The following GTF2E2 variants were observed in gnomAD, a reference collection of about 807,000 sequenced individuals.
GTF2E2 encodes the protein transcription initiation factor IIE subunit beta.
A neutral mutation model predicts 40.5 loss-of-function variants in GTF2E2; 21 were observed. That is an observed-to-expected ratio of 0.52 (90% CI 0.37 to 0.75). The LOEUF (loss-of-function observed/expected upper bound fraction) is 0.75. Ranked by LOEUF, GTF2E2 falls within the 30% of genes least tolerant of loss-of-function variation. The pLI is 0.00. For missense variants in GTF2E2, 298 were observed against 338.4 expected (o/e 0.88, Z 0.94); for synonymous variants, 117 against 121.6 (o/e 0.96, Z 0.25).
chr8:30,608,906 G>A (rs989627967), intron 5 of GTF2E2, among the ~76,000 whole-genome samples: 2 of 152,110 alleles, frequency 1.3e-5, no homozygotes, highest in Non-Finnish European at 1.5e-5. Context: ...CCGCCACCAC[G>A]CCCGGCTAAT....
chr8:30,589,276 G>T (rs1290280998), intron 6 of GTF2E2, among the ~76,000 whole-genome samples: 2 of 152,144 alleles, frequency 1.3e-5, no homozygotes, highest in South Asian at 4.1e-4. Context: ...AAAAGTATTG[G>T]CATGGTGCAA....
chr8:30,580,431 A>G (rs1828485724), intron 6 of GTF2E2, 35 bp from the exon 7 acceptor site: 2 of 1,156,330 alleles, frequency 1.7e-6, no homozygotes, highest in East Asian at 4.7e-5. Flanking sequence ...TTTACAATCC[A>G]TTTTTACAAA....
At chr8:30,651,441 T>A (rs1474576526) in intron 2 of GTF2E2, among the ~76,000 whole-genome samples, 1 of 152,120 alleles carries the variant, frequency 6.6e-6, no homozygotes, top group Admixed American at 6.5e-5. Context: ...ACAATTTCAT[T>A]CATAAGTGAG....
intron 5 of GTF2E2, among the ~76,000 whole-genome samples, chr8:30,609,094 C>T (rs1396316090): frequency 1.3e-5 from 2 of 151,958 alleles, no homozygotes; most frequent in African/African-American, 2.4e-5. Flanking sequence ...GGTGAAACCC[C>T]ATCTCTACTA....
intron 3 of GTF2E2, among the ~76,000 whole-genome samples, chr8:30,625,104 T>C (rs978463896): frequency 5.9e-5 from 9 of 152,070 alleles, no homozygotes; most frequent in Admixed American, 5.2e-4. Flanking sequence ...AAGGGAATGC[T>C]TCCAGTTTTT....
At chr8:30,582,331 T>C (rs1387517185) in intron 6 of GTF2E2, among the ~76,000 whole-genome samples, 1 of 152,204 alleles carries the variant, frequency 6.6e-6, no homozygotes. Context: ...GGCCTATATT[T>C]TTCTTTTTAC....
Position 30,606,077 on chromosome 8 carries a change from GC to G in GTF2E2, c.643+979del, listed in dbSNP as rs1464035265. Among the ~76,000 whole-genome samples, 3 of 152,128 alleles carry G rather than the reference GC, an allele frequency of 2.0e-5. No individual in the cohort carries two copies. The South Asian group carries it at 6.2e-4, about 32-fold the overall frequency. ...CAGTACTGAAGTCTTTGTTCAACAG[GC>G]ACCTATCACTACAATGGATAGCATA... is the stretch of plus-strand genomic sequence containing the variant. On this transcript the variant is annotated intron_variant, in intron 6 of 7. Transcript: ENST00000355904.
At chr8:30,599,884 G>A in intron 6 of GTF2E2, among the ~76,000 whole-genome samples, 1 of 152,180 alleles carries the variant, frequency 6.6e-6, no homozygotes. Flanking sequence ...TAGGGAGGCT[G>A]AGGCAGAAGA....
chr8:30,622,530 T>C lies in GTF2E2; in HGVS notation c.259-7815A>G, dbSNP rs562847711. Among the ~76,000 whole-genome samples the C allele has an allele frequency of 1.1e-4, 17 of 152,068 alleles. 1 individual carries two copies. Among genetic ancestry groups the C allele is most frequent in the Admixed American group, 6.5e-4 (10 of 15,288 alleles). ...ATTGCTAATGAAGTTTCAGGCACCA[T>C]TGTCATTGGTAACATCTTATCAGGA... On this transcript the variant is annotated intron_variant, in intron 3 of 7. Transcript: ENST00000355904.
At chr8:30,604,148 T>C (rs764454723) in intron 6 of GTF2E2, among the ~76,000 whole-genome samples, 1 of 152,118 alleles carries the variant, frequency 6.6e-6, no homozygotes, top group Non-Finnish European at 1.5e-5. Flanking sequence ...TTTCTTTTTA[T>C]GAACCCAGCA....
chr8:30,629,234 T>C (rs542273672), intron 3 of GTF2E2, among the ~76,000 whole-genome samples: 1 of 152,350 alleles, frequency 6.6e-6, no homozygotes, highest in African/African-American at 2.4e-5. Context: ...ATCCATATTC[T>C]TGACCCAGTC....
chr8:30,630,511 G>T (rs926114501), intron 3 of GTF2E2, among the ~76,000 whole-genome samples: 1 of 152,088 alleles, frequency 6.6e-6, no homozygotes, highest in African/African-American at 2.4e-5. Context: ...TCTTTCTAAA[G>T]GTACACAAAA....
At chr8:30,655,426 ATGAATT>A (rs11279224) in intron 1 of GTF2E2, among the ~76,000 whole-genome samples, 31,237 of 151,868 alleles carry the variant, frequency 0.21, 3,833 homozygotes, top group East Asian at 0.5. Flanking sequence ...GACTATATAA[ATGAATT>A]TGACACTGTT....
chr8:30,591,057 GA>G (rs1427803615), intron 6 of GTF2E2, among the ~76,000 whole-genome samples: 4 of 151,898 alleles, frequency 2.6e-5, no homozygotes, highest in African/African-American at 9.6e-5. Context: ...CCACAGAATG[GA>G]AAAAAATATC....
intron 6 of GTF2E2, among the ~76,000 whole-genome samples, chr8:30,581,827 G>A (rs1472646303): frequency 1.6e-4 from 25 of 151,872 alleles, no homozygotes; most frequent in Admixed American, 1.6e-3. Flanking sequence ...TTTCCATCTC[G>A]TTTCCATGAC....
At chr8:30,657,795 A>G (rs1431465814) in intron 1 of GTF2E2, among the ~76,000 whole-genome samples, 178 bp downstream of exon 1, 1 of 152,104 alleles carries the variant, frequency 6.6e-6, no homozygotes, top group Non-Finnish European at 1.5e-5. Context: ...CCTCTGGCCT[A>G]AAGACAATGC....
At chr8:30,620,907 A>C (rs566738663) in intron 3 of GTF2E2, among the ~76,000 whole-genome samples, 3 of 151,912 alleles carry the variant, frequency 2.0e-5, no homozygotes, top group African/African-American at 7.3e-5. Context: ...CCAGCCTGGG[A>C]AACAGAGTGA....
rs76622778 is a variant in GTF2E2, at chr8:30,615,770, C to T, written c.259-1055G>A. 1.7e-3 allele frequency among the ~76,000 whole-genome samples: 262 copies of T among 152,250 alleles called. 1 individual carries two copies. Among genetic ancestry groups the T allele is most frequent in the African/African-American group, 6.0e-3 (249 of 41,528 alleles). ...TGGAAGACAGTTCAGCAGTTTCTTA[C>T]AACACTAAACACACTCTTACCATTT... On this transcript the variant is annotated intron_variant, in intron 3 of 7. Transcript: ENST00000355904.
chr8:30,623,804 T>A (rs1020233256), intron 3 of GTF2E2, among the ~76,000 whole-genome samples: 2 of 152,176 alleles, frequency 1.3e-5, no homozygotes, highest in African/African-American at 4.8e-5. Flanking sequence ...GTTGGCTGCA[T>A]AAATGTCTTC....
Sources: gnomAD v4.1 joint callset for allele counts (sites outside exome capture counted in the v4.1 genomes callset) on GRCh38, gnomAD v4.1.1 for gene constraint, MANE v1.5 for transcripts, NCBI Gene and HGNC (gene_info 2026-07-23, HGNC 2026-07-21) for gene names.